Variants in OR11A1 observed in about 807,000 individuals in gnomAD.
OR11A1 encodes the protein olfactory receptor family 11 subfamily A member 1.
For missense variants in OR11A1, 380 were observed against 378.2 expected (o/e 1.00, Z -0.04); for synonymous variants, 158 against 152.2 (o/e 1.04, Z -0.28).
At chr6:29,446,969 G>A (rs1784838211) in intron 1 of OR11A1, among the ~76,000 whole-genome samples, 1 of 152,136 alleles carries the variant, frequency 6.6e-6, no homozygotes, top group Non-Finnish European at 1.5e-5. Flanking sequence ...ACACAGTTGA[G>A]GACTCTGTCG....
chr6:29,453,362 T>C lies in OR11A1; in HGVS notation c.-389+3625A>G, dbSNP rs1261890204. Among the ~76,000 whole-genome samples the C allele has an allele frequency of 1.3e-5, 2 of 151,998 alleles. No homozygotes were observed. The highest frequency in any genetic ancestry group is 2.9e-5 in the Non-Finnish European group (2 of 67,958). ...GAAATAAACCAAGGCAAATAATAAA[T>C]TGAGAACCACTTTTTCATAAAGCAG... is the stretch of plus-strand genomic sequence containing the variant. On this transcript the variant is annotated intron_variant, in intron 1 of 4. Transcript: ENST00000377149. The surrounding 1 kb of genome is among the most constrained non-coding windows in gnomAD (Gnocchi z 4.5).
intron 1 of OR11A1, among the ~76,000 whole-genome samples, chr6:29,437,483 T>C (rs961204835): frequency 1.3e-5 from 2 of 152,226 alleles, no homozygotes; most frequent in African/African-American, 4.8e-5. Context: ...TTGTTCCAAA[T>C]CTTTTTTATA....
intron 1 of OR11A1, among the ~76,000 whole-genome samples, chr6:29,447,408 T>C (rs1784876342): frequency 6.6e-6 from 1 of 152,246 alleles, no homozygotes; most frequent in Non-Finnish European, 1.5e-5. Context: ...CTAAAAATAG[T>C]CAATTTGAAA....
chr6:29,428,405 C>T (rs1231689272), intron 4 of OR11A1: 1 of 985,360 alleles, frequency 1.0e-6, no homozygotes, highest in Non-Finnish European at 1.2e-6. Context: ...GGATCAAGGT[C>T]GGGGAAGGCT....
At chr6:29,441,073 C>T (rs572837113) in intron 1 of OR11A1, 3 of 668,658 alleles carry the variant, frequency 4.5e-6, no homozygotes, top group African/African-American at 3.6e-5. Flanking sequence ...GTCAGAAAGA[C>T]AAACTTATCT....
intron 1 of OR11A1, among the ~76,000 whole-genome samples, chr6:29,434,247 G>A (rs965084604): frequency 1.2e-4 from 19 of 152,078 alleles, no homozygotes; most frequent in African/African-American, 3.9e-4. Flanking sequence ...CCATACCAAC[G>A]TCATGGAACT....
At chr6:29,454,645 C>G (rs1172715660) in intron 1 of OR11A1, among the ~76,000 whole-genome samples, 2 of 152,106 alleles carry the variant, frequency 1.3e-5, no homozygotes, top group Non-Finnish European at 2.9e-5. Context: ...CCTTCAATGA[C>G]TCTTCATAAG....
At chr6:29,439,002 C>A (rs907581501) in intron 1 of OR11A1, among the ~76,000 whole-genome samples, 4 of 152,188 alleles carry the variant, frequency 2.6e-5, no homozygotes, top group Admixed American at 6.5e-5. Context: ...ACTTGTATTT[C>A]TAATACACAA....
At chr6:29,435,381 T>C in intron 1 of OR11A1, among the ~76,000 whole-genome samples, 1 of 152,190 alleles carries the variant, frequency 6.6e-6, no homozygotes, top group Admixed American at 6.5e-5. Context: ...TTGACAACCA[T>C]TTATGTTGTT....
Position 29,426,337 on chromosome 6 carries a change from A to G in OR11A1, c.*357T>C. 4.7e-6 allele frequency: 1 copy of G among 210,706 alleles called. No homozygotes were observed. Among genetic ancestry groups the G allele is most frequent in the Non-Finnish European group, 9.5e-6 (1 of 105,568 alleles). The allele number at this position is 210,706 out of a possible 1,614,324, so 13.1% of individuals were successfully genotyped here. A position where few individuals can be genotyped will look rare whatever the true frequency, so the allele number is the denominator to read the frequency against. On this transcript the variant is annotated 3_prime_UTR_variant, in exon 5 of 5. Transcript: ENST00000377149. ...AGTGGGAGCTAAATTATGAAAACAT[A>G]TGGATACATAGAGGGGAACAACACA...
chr6:29,427,424 A>G lies in OR11A1; in HGVS notation c.218T>C (p.Ile73Thr), dbSNP rs767353058. The G allele has an allele frequency of 6.2e-7, 1 of 1,613,120 alleles. No homozygotes were observed. Among genetic ancestry groups the G allele is most frequent in the Admixed American group, 1.7e-5 (1 of 60,026 alleles). ...IFLANLSFLD[I>T]LYTSAVMPKM... is the part of the protein sequence containing the mutation. ...TGGCATCACTGCGGAGGTGTAGAGA[A>G]TATCCAGGAAGGACAGATTCGCCAA... Residue 73 changes from isoleucine (I) to threonine (T), a missense_variant, in exon 5 of 5, where the codon ATT becomes ACT. Transcript: ENST00000377149.
intron 1 of OR11A1, among the ~76,000 whole-genome samples, chr6:29,433,854 G>A (rs1181462383): frequency 2.6e-5 from 4 of 151,884 alleles, no homozygotes; most frequent in African/African-American, 7.3e-5. Flanking sequence ...CTTTTCTGTA[G>A]TAGGCATTCT....
chr6:29,426,839 G>A lies in OR11A1; in HGVS notation c.803C>T (p.Ser268Phe). The change falls in exon 5 of 5, where the codon TCC becomes TTC. Residue 268 changes from serine (S) to phenylalanine (F), a missense_variant. Physicochemically the swap from Ser to Phe is radical, Grantham distance 155. Transcript: ENST00000377149. ...IFYVAPSAVH[S>F]QLLSKVFSLL... ...GGAGAAGACCTTGGAGAGGAGCTGGGAATGGACAGCAGAGGGTGCAACATA... is the reference window on the plus strand; with the variant it reads ...GGAGAAGACCTTGGAGAGGAGCTGGAAATGGACAGCAGAGGGTGCAACATA... The A allele has an allele frequency of 6.2e-7, 1 of 1,613,152 alleles. No homozygotes were observed. The highest frequency in any genetic ancestry group is 8.5e-7 in the Non-Finnish European group (1 of 1,180,014).
chr6:29,452,358 G>C (rs1785511898), intron 1 of OR11A1, among the ~76,000 whole-genome samples: 1 of 152,054 alleles, frequency 6.6e-6, no homozygotes, highest in Non-Finnish European at 1.5e-5. Flanking sequence ...AAGGAGAAGA[G>C]AGATAAAAGG....
intron 4 of OR11A1, 138 bp downstream of exon 4, chr6:29,428,775 A>AG (rs1218746892): frequency 6.0e-6 from 1 of 167,944 alleles, no homozygotes; most frequent in Non-Finnish European, 1.2e-5. Flanking sequence ...AAAAAAAAAA[A>AG]AAAAAAAAAA....
chr6:29,431,226 A>C (rs1561776618), intron 2 of OR11A1, among the ~76,000 whole-genome samples: 1 of 152,174 alleles, frequency 6.6e-6, no homozygotes, highest in Non-Finnish European at 1.5e-5. Context: ...TGTACATTTT[A>C]ATTCATCTTT....
chr6:29,437,920 C>G (rs1456662038), intron 1 of OR11A1, among the ~76,000 whole-genome samples: 1 of 152,186 alleles, frequency 6.6e-6, no homozygotes, highest in African/African-American at 2.4e-5. Context: ...TTTCCCTGAA[C>G]TACAAATCTT....
intron 1 of OR11A1, among the ~76,000 whole-genome samples, chr6:29,432,639 G>A (rs182935908): frequency 4.6e-5 from 7 of 152,218 alleles, no homozygotes; most frequent in African/African-American, 1.7e-4. Flanking sequence ...ACAAAATGAC[G>A]TTGAAATGGT....
intron 1 of OR11A1, among the ~76,000 whole-genome samples, chr6:29,432,277 C>G (rs1019995441): frequency 6.6e-6 from 1 of 152,120 alleles, no homozygotes; most frequent in African/African-American, 2.4e-5. Context: ...TTGGCTTGAC[C>G]ATAAACGGAG....
Sources: allele counts gnomAD v4.1 joint callset (sites outside exome capture counted in the v4.1 genomes callset), GRCh38; gene constraint gnomAD v4.1.1; non-coding constraint Gnocchi (gnomAD v3.1); transcripts MANE v1.5; gene names NCBI Gene and HGNC (gene_info 2026-07-23, HGNC 2026-07-21).